Variants in KCNQ3 observed in about 807,000 individuals in gnomAD.
The protein encoded by KCNQ3 is potassium voltage-gated channel subfamily Q member 3.
KCNQ3 carries 30 observed loss-of-function variants against 92.5 expected under a neutral mutation model. That is an observed-to-expected ratio of 0.32 (90% CI 0.24 to 0.44). The LOEUF (loss-of-function observed/expected upper bound fraction) is 0.44. KCNQ3 is among the 20% of genes least tolerant of loss of function. The probability of loss-of-function intolerance (pLI) is 1.00; values close to 1 mark genes in which losing one functional copy is unlikely to be tolerated. For synonymous variants in KCNQ3, 450 were observed against 468.8 expected (o/e 0.96, Z 0.52); for missense variants, 913 against 1,140.3 (o/e 0.80, Z 2.87).
intron 1 of KCNQ3, among the ~76,000 whole-genome samples, chr8:132,369,898 C>T (rs1242700004): frequency 6.6e-6 from 1 of 152,168 alleles, no homozygotes; most frequent in East Asian, 1.9e-4. Context: ...AGTACTATCC[C>T]CACTCACAGT....
intron 1 of KCNQ3, among the ~76,000 whole-genome samples, chr8:132,412,174 A>G (rs747366624): frequency 6.6e-6 from 1 of 152,184 alleles, no homozygotes; most frequent in Non-Finnish European, 1.5e-5. Context: ...CAGAAAAACA[A>G]TTTGATTTGT....
chr8:132,445,502 A>T (rs1165727167), intron 1 of KCNQ3, among the ~76,000 whole-genome samples: 1 of 143,736 alleles, frequency 7.0e-6, no homozygotes, highest in Non-Finnish European at 1.5e-5. Flanking sequence ...AAGTGAATGA[A>T]TGAATGATAT....
intron 1 of KCNQ3, among the ~76,000 whole-genome samples, chr8:132,295,530 C>T (rs7846364): frequency 0.55 from 83,195 of 152,028 alleles, 23,576 homozygotes; most frequent in East Asian, 0.78. Flanking sequence ...ATCCCATTAC[C>T]GGGCGTATAC....
chr8:132,294,454 A>G (rs1186829871), intron 1 of KCNQ3, among the ~76,000 whole-genome samples: 1 of 152,154 alleles, frequency 6.6e-6, no homozygotes, highest in East Asian at 1.9e-4. Flanking sequence ...GAGAAAGAAA[A>G]TCTGAGGCTA....
chr8:132,231,101 C>A (rs1190730828), intron 1 of KCNQ3, among the ~76,000 whole-genome samples: 1 of 152,154 alleles, frequency 6.6e-6, no homozygotes, highest in African/African-American at 2.4e-5. Context: ...GATGCATTCA[C>A]AAGCCAAGCA....
At chr8:132,361,777 G>T (rs910508076) in intron 1 of KCNQ3, among the ~76,000 whole-genome samples, 1 of 152,014 alleles carries the variant, frequency 6.6e-6, no homozygotes, top group African/African-American at 2.4e-5. Flanking sequence ...ACTGTATTTT[G>T]GAAATTAACC....
At chr8:132,235,564 G>A (rs1488982332) in intron 1 of KCNQ3, among the ~76,000 whole-genome samples, 3 of 152,102 alleles carry the variant, frequency 2.0e-5, no homozygotes, top group South Asian at 2.1e-4. Flanking sequence ...AGAGACTTAC[G>A]TGACCACACA....
chr8:132,378,604 A>C (rs958902293), intron 1 of KCNQ3, among the ~76,000 whole-genome samples: 3 of 152,182 alleles, frequency 2.0e-5, no homozygotes, highest in Non-Finnish European at 4.4e-5. Context: ...CCATTCTCTT[A>C]CAGTTTGTTC....
chr8:132,414,133 C>G (rs929361595), intron 1 of KCNQ3, among the ~76,000 whole-genome samples: 21 of 152,194 alleles, frequency 1.4e-4, no homozygotes. Flanking sequence ...CTGTTGGGAG[C>G]TTAACCTATA....
At chr8:132,148,848 T>C (rs150811780) in intron 9 of KCNQ3, among the ~76,000 whole-genome samples, 229 of 152,332 alleles carry the variant, frequency 1.5e-3, no homozygotes, top group Admixed American at 6.0e-3. Flanking sequence ...TCTCAGGCCT[T>C]TGGACTTGGA....
intron 1 of KCNQ3, among the ~76,000 whole-genome samples, chr8:132,261,858 AATGAGACACTC>A (rs1363058339): frequency 6.6e-6 from 1 of 152,184 alleles, no homozygotes; most frequent in Admixed American, 6.5e-5. Flanking sequence ...CAGTGAGGTA[AATGAGACACTC>A]ACTTTGGGCA....
At chr8:132,136,182 GC>G (rs1825084865) in intron 12 of KCNQ3, among the ~76,000 whole-genome samples, 1 of 139,590 alleles carries the variant, frequency 7.2e-6, no homozygotes, top group Non-Finnish European at 1.5e-5. Flanking sequence ...ACACCTCCAA[GC>G]TGACAGATAG....
chr8:132,329,108 T>C (rs2896656), intron 1 of KCNQ3, among the ~76,000 whole-genome samples: 68,232 of 152,092 alleles, frequency 0.45, 15,488 homozygotes, highest in Non-Finnish European at 0.49. Context: ...GAATTTCTCA[T>C]GGAGGAAGGC....
intron 14 of KCNQ3, 51 bp downstream of exon 14, chr8:132,132,129 G>T: frequency 6.1e-6 from 7 of 1,140,488 alleles, no homozygotes; most frequent in Non-Finnish European, 9.3e-6. Flanking sequence ...AATGGCATTT[G>T]AAAATAAATG....
intron 3 of KCNQ3, among the ~76,000 whole-genome samples, chr8:132,183,812 T>C (rs550120294): frequency 7.2e-5 from 11 of 152,348 alleles, no homozygotes; most frequent in African/African-American, 2.6e-4. Flanking sequence ...CATAACATGA[T>C]GCTGTAGAAG....
At chr8:132,436,855 T>C (rs1821406924) in intron 1 of KCNQ3, among the ~76,000 whole-genome samples, 1 of 152,110 alleles carries the variant, frequency 6.6e-6, no homozygotes, top group African/African-American at 2.4e-5. Flanking sequence ...AAGGGACCTT[T>C]TGGGGGTCGC....
intron 1 of KCNQ3, among the ~76,000 whole-genome samples, chr8:132,420,957 G>T (rs1021784395): frequency 6.6e-6 from 1 of 152,184 alleles, no homozygotes; most frequent in Non-Finnish European, 1.5e-5. Context: ...GGGTTGACAT[G>T]AAATACATTT....
At chr8:132,337,729 A>G (rs985206480) in intron 1 of KCNQ3, among the ~76,000 whole-genome samples, 1 of 152,114 alleles carries the variant, frequency 6.6e-6, no homozygotes, top group Non-Finnish European at 1.5e-5. Context: ...CTACAGGAAA[A>G]TGCATTTGCC....
chr8:132,353,469 GAA>G, intron 1 of KCNQ3, among the ~76,000 whole-genome samples: 1 of 152,304 alleles, frequency 6.6e-6, no homozygotes, highest in African/African-American at 2.4e-5. Flanking sequence ...CTCTTTCACT[GAA>G]GAGGGACTTT....
Sources: gnomAD v4.1 joint callset for allele counts (sites outside exome capture counted in the v4.1 genomes callset) on GRCh38, gnomAD v4.1.1 for gene constraint, MANE v1.5 for transcripts, NCBI Gene and HGNC (gene_info 2026-07-23, HGNC 2026-07-21) for gene names.